Variants in TIMP2 observed in about 807,000 individuals in gnomAD.
TIMP2 encodes TIMP metallopeptidase inhibitor 2.
Under a neutral mutation model 24.3 loss-of-function variants are expected in TIMP2, and 5 were observed. The observed-to-expected ratio is 0.21, with a 90% confidence interval of 0.11 to 0.43. TIMP2 has a LOEUF of 0.43. Ranked by LOEUF, TIMP2 falls within the 20% of genes least tolerant of loss-of-function variation. TIMP2 has a pLI of 1.00. For synonymous variants in TIMP2, 130 were observed against 123.2 expected, an observed-to-expected ratio of 1.06 and a Z score of -0.37; for missense variants, 221 against 297.5, an observed-to-expected ratio of 0.74 and a Z score of 1.89.
At chr17:78,860,449 C>T (rs182025377) in intron 3 of TIMP2, among the ~76,000 whole-genome samples, 2 of 152,350 alleles carry the variant, frequency 1.3e-5, no homozygotes, top group East Asian at 3.9e-4. Context: ...TAATGCAGCT[C>T]ATCGACTGCA....
intron 1 of TIMP2, among the ~76,000 whole-genome samples, chr17:78,879,870 T>C (rs572738111): frequency 7.1e-6 from 1 of 140,052 alleles, no homozygotes; most frequent in Non-Finnish European, 1.6e-5. Flanking sequence ...ATGATGTCAC[T>C]TCCCCCCTGC....
chr17:78,897,518 G>C (rs1265967299), intron 1 of TIMP2: 1 of 152,214 alleles, frequency 6.6e-6, no homozygotes, highest in Non-Finnish European at 1.5e-5. Flanking sequence ...GGAGCCCCAG[G>C]CACCATGACG....
At chr17:78,873,377 T>C (rs1172747370) in intron 2 of TIMP2, among the ~76,000 whole-genome samples, 1 of 146,436 alleles carries the variant, frequency 6.8e-6, no homozygotes, top group East Asian at 2.1e-4. Flanking sequence ...GATGTCTCAC[T>C]GCAACCTCTG....
At chr17:78,857,898 C>T (rs1338530204) in intron 3 of TIMP2, among the ~76,000 whole-genome samples, 2 of 151,476 alleles carry the variant, frequency 1.3e-5, no homozygotes, top group East Asian at 3.9e-4. Context: ...GATGAAACCC[C>T]CTCTCTACTA....
At position 78,896,009 on chromosome 17, in the gene TIMP2, C is replaced by A. The variant is rs777673634; in HGVS notation, c.131-22090G>T. Reference sequence around the variant, plus strand: ...CGTGGGCATCCCAATGAAGCAGCGTCAGTTTTCCTGGAGACACGCAAACGG... The same window carrying A: ...CGTGGGCATCCCAATGAAGCAGCGTAAGTTTTCCTGGAGACACGCAAACGG... On this transcript the variant is annotated intron_variant, in intron 1 of 4. Transcript: ENST00000262768. This position sits in a 1 kb window ranked among gnomAD's most constrained non-coding sequence, Gnocchi z 4.4. Among the ~76,000 whole-genome samples, 3 of 152,256 alleles carry A rather than the reference C, an allele frequency of 2.0e-5. No homozygotes were observed. Among genetic ancestry groups the A allele is most frequent in the Non-Finnish European group, 4.4e-5 (3 of 68,042 alleles).
intron 1 of TIMP2, among the ~76,000 whole-genome samples, chr17:78,883,143 C>T (rs931524129): frequency 1.4e-4 from 22 of 152,242 alleles, no homozygotes; most frequent in African/African-American, 4.1e-4. Context: ...CCAACCTCCT[C>T]GGCCCCCGGA....
chr17:78,898,942 C>G (rs948458930), intron 1 of TIMP2: 2 of 152,042 alleles, frequency 1.3e-5, no homozygotes, highest in Non-Finnish European at 2.9e-5. Context: ...TTCACCATGC[C>G]GGCCAGGCTG....
intron 1 of TIMP2, among the ~76,000 whole-genome samples, chr17:78,901,459 C>G (rs1006764530): frequency 6.6e-6 from 1 of 151,824 alleles, no homozygotes; most frequent in Non-Finnish European, 1.5e-5. Flanking sequence ...GCGGTAAGGA[C>G]GGGGAGAAGA....
intron 1 of TIMP2, among the ~76,000 whole-genome samples, chr17:78,885,582 G>A (rs1254041190): frequency 1.3e-5 from 2 of 152,174 alleles, no homozygotes; most frequent in Admixed American, 6.5e-5. Flanking sequence ...CTGGCACTTC[G>A]GGGAGGATTT....
intron 3 of TIMP2, among the ~76,000 whole-genome samples, chr17:78,863,328 C>T (rs1377123607): frequency 4.6e-5 from 7 of 152,108 alleles, no homozygotes; most frequent in African/African-American, 9.7e-5. Flanking sequence ...CTGCAACTTC[C>T]GCCTCCCGGG....
At chr17:78,918,100 A>ACACACACACACAC (rs1289719167) in intron 1 of TIMP2, among the ~76,000 whole-genome samples, 1 of 149,260 alleles carries the variant, frequency 6.7e-6, no homozygotes, top group Non-Finnish European at 1.5e-5. Flanking sequence ...ACACACACAC[A>ACACACACACACAC]ACTTCACTTA....
At chr17:78,865,577 C>A (rs915197954) in intron 3 of TIMP2, among the ~76,000 whole-genome samples, 3 of 149,130 alleles carry the variant, frequency 2.0e-5, no homozygotes, top group Non-Finnish European at 4.5e-5. Flanking sequence ...TGAGTTGAGA[C>A]CACGCCATTG....
intron 1 of TIMP2, among the ~76,000 whole-genome samples, chr17:78,879,543 G>C (rs117323169): frequency 6.6e-6 from 1 of 152,174 alleles, no homozygotes. Context: ...CCATGCCCCC[G>C]AGAGGGGCTG....
Position 78,854,752 on chromosome 17 carries a change from A to G in TIMP2, c.*915T>C, listed in dbSNP as rs1245231537. ...AGCCGGGCCCTGCACACAAGCCCGGATAAAGCAAAGCTGTGCAACTCAATC... is the reference window on the plus strand; with the variant it reads ...AGCCGGGCCCTGCACACAAGCCCGGGTAAAGCAAAGCTGTGCAACTCAATC... On this transcript the variant is annotated 3_prime_UTR_variant, in exon 5 of 5. Coordinates refer to ENST00000262768, the MANE Select transcript of TIMP2 (RefSeq NM_003255.5). The G allele has an allele frequency of 1.3e-5, 2 of 152,086 alleles. No homozygotes were observed. The allele number at this position is 152,086 out of a possible 1,614,324, so 9.4% of individuals were successfully genotyped here. A position where few individuals can be genotyped will look rare whatever the true frequency, so the allele number is the denominator to read the frequency against.
At chr17:78,868,610 G>A (rs1274498765) in intron 3 of TIMP2, among the ~76,000 whole-genome samples, 2 of 152,112 alleles carry the variant, frequency 1.3e-5, no homozygotes, top group African/African-American at 4.8e-5. Context: ...GGGAGGAGGG[G>A]AATAATGTTC....
chr17:78,909,092 A>C (rs1293624080), intron 1 of TIMP2, among the ~76,000 whole-genome samples: 1 of 152,164 alleles, frequency 6.6e-6, no homozygotes, highest in East Asian at 1.9e-4. Context: ...TCATGCCTGA[A>C]ATCTTAGCAC....
intron 1 of TIMP2, among the ~76,000 whole-genome samples, chr17:78,909,542 T>C (rs984577745): frequency 3.3e-5 from 5 of 149,448 alleles, no homozygotes. Flanking sequence ...CCGTACCCCA[T>C]CACCTGGTGC....
chr17:78,911,332 G>A (rs927635525), intron 1 of TIMP2, among the ~76,000 whole-genome samples: 4 of 152,200 alleles, frequency 2.6e-5, no homozygotes, highest in African/African-American at 9.7e-5. Context: ...AGAGACTGCA[G>A]GTTTCTCAGA....
chr17:78,853,252 G>C lies in TIMP2; in HGVS notation c.*2415C>G, dbSNP rs1010159299. On this transcript the variant is annotated 3_prime_UTR_variant, in exon 5 of 5. Coordinates refer to ENST00000262768, the MANE Select transcript of TIMP2 (RefSeq NM_003255.5). ...GCAAAGATTTGAAAATAACTACAAT[G>C]TAAACTTTATTTTAAATATTTTGAG... 6.6e-6 allele frequency: 1 copy of C among 152,544 alleles called. No homozygotes were observed. Among genetic ancestry groups the C allele is most frequent in the Non-Finnish European group, 1.5e-5 (1 of 68,034 alleles). 9.4% of individuals were successfully genotyped at this position (152,544 alleles called of 1,614,324 possible).
Sources: gnomAD v4.1 joint callset for allele counts (sites outside exome capture counted in the v4.1 genomes callset) on GRCh38, gnomAD v4.1.1 for gene constraint, Gnocchi (gnomAD v3.1) non-coding constraint, MANE v1.5 for transcripts, NCBI Gene and HGNC (gene_info 2026-07-23, HGNC 2026-07-21) for gene names.